The following CDH4 variants were observed in gnomAD, a reference collection of about 807,000 sequenced individuals.
The protein encoded by CDH4 is cadherin 4, also known as cadherin-4.
CDH4 carries 33 observed loss-of-function variants against 86.0 expected under a neutral mutation model. The observed-to-expected ratio is 0.38, with a 90% CI of 0.29 to 0.51. The LOEUF is 0.51. Ranked by LOEUF, CDH4 falls within the 20% of genes least tolerant of loss-of-function variation. The pLI is 0.86. For missense variants in CDH4, 1,114 were observed against 1,307.4 expected, an observed-to-expected ratio of 0.85 and a Z score of 2.28; for synonymous variants, 555 against 549.4, an observed-to-expected ratio of 1.01 and a Z score of -0.14.
At chr20:61,933,341 G>T (rs187812319) in intron 14 of CDH4, among the ~76,000 whole-genome samples, 17 of 152,174 alleles carry the variant, frequency 1.1e-4, no homozygotes, top group Admixed American at 6.5e-5. Context: ...TCCCATCCTC[G>T]CCTTCTTCCC....
At chr20:61,443,065 A>G (rs1432767976) in intron 2 of CDH4, among the ~76,000 whole-genome samples, 1 of 152,162 alleles carries the variant, frequency 6.6e-6, no homozygotes, top group Non-Finnish European at 1.5e-5. Flanking sequence ...CTGATTGAGA[A>G]CCGCTGCCTA....
At chr20:61,782,942 G>A (rs934233428) in intron 4 of CDH4, among the ~76,000 whole-genome samples, 8 of 152,118 alleles carry the variant, frequency 5.3e-5, no homozygotes, top group East Asian at 1.9e-4. Flanking sequence ...AAAATTAGCC[G>A]GCCGTGGTGG....
intron 2 of CDH4, among the ~76,000 whole-genome samples, chr20:61,682,409 G>T (rs2087526178): frequency 6.8e-6 from 1 of 145,992 alleles, no homozygotes; most frequent in Non-Finnish European, 1.5e-5. Flanking sequence ...GATGGACAGA[G>T]GGACAGATGG....
In CDH4 at chr20:61,932,900, T is replaced by A. The variant is rs1036889790; in HGVS notation, c.2240-85T>A. 5.2e-6 allele frequency: 8 copies of A among 1,534,248 alleles called. No individual in the cohort carries two copies. The African/African-American group carries it at 1.1e-4, about 21-fold the overall frequency. The stretch of plus-strand genomic sequence containing the variant: ...TGCTTGTGTGCCACCTGCATGTACA[T>A]GCCCACATAGACACATGGCAAACAC... On this transcript the variant is annotated intron_variant, in intron 13 of 15. Coordinates refer to ENST00000614565, the MANE Select transcript of CDH4 (RefSeq NM_001794.5).
At chr20:61,864,177 T>C (rs1211260069) in intron 6 of CDH4, among the ~76,000 whole-genome samples, 1 of 152,114 alleles carries the variant, frequency 6.6e-6, no homozygotes, top group Non-Finnish European at 1.5e-5. Flanking sequence ...AGCACCCAAG[T>C]TGGACGGTGC....
intron 2 of CDH4, among the ~76,000 whole-genome samples, chr20:61,258,460 A>C (rs1346796935): frequency 6.6e-6 from 1 of 151,674 alleles, no homozygotes; most frequent in African/African-American, 2.4e-5. Flanking sequence ...GTACCCTCGT[A>C]CCACCCTCTG....
chr20:61,785,982 T>C (rs924044877), intron 4 of CDH4, among the ~76,000 whole-genome samples: 10 of 152,308 alleles, frequency 6.6e-5, no homozygotes, highest in Admixed American at 6.5e-4. Context: ...AGGAGCCAGC[T>C]TGAGTCTGGG....
chr20:61,801,265 G>A (rs965408307), intron 4 of CDH4, among the ~76,000 whole-genome samples: 16 of 152,162 alleles, frequency 1.1e-4, no homozygotes, highest in Admixed American at 6.5e-4. Flanking sequence ...TAGACATTGG[G>A]GGAGTGGGGT....
chr20:61,883,872 C>T (rs777518353), intron 7 of CDH4, among the ~76,000 whole-genome samples: 3 of 152,304 alleles, frequency 2.0e-5, no homozygotes, highest in South Asian at 2.1e-4. Context: ...GCAGAGAATG[C>T]GAGAGACAGA....
At chr20:61,614,880 CCACTTTCTCCCAG>C (rs1236232226) in intron 2 of CDH4, among the ~76,000 whole-genome samples, 2 of 151,932 alleles carry the variant, frequency 1.3e-5, no homozygotes, top group East Asian at 1.9e-4. Flanking sequence ...CTCCCAGCAC[CCACTTTCTCCCAG>C]CACTGACTCC....
chr20:61,381,934 GGC>G (rs2084903803), intron 2 of CDH4, among the ~76,000 whole-genome samples: 1 of 110,804 alleles, frequency 9.0e-6, no homozygotes, highest in Non-Finnish European at 1.9e-5. Context: ...AGATTAGCCA[GGC>G]ATGGTGGCAG....
chr20:61,752,564 C>G (rs190592795), intron 3 of CDH4, among the ~76,000 whole-genome samples: 4 of 152,182 alleles, frequency 2.6e-5, no homozygotes, highest in Non-Finnish European at 5.9e-5. Flanking sequence ...ACCAAGAACT[C>G]TGTACGGGAC....
intron 14 of CDH4, among the ~76,000 whole-genome samples, chr20:61,933,393 A>T (rs1280640858): frequency 6.6e-6 from 1 of 152,078 alleles, no homozygotes; most frequent in African/African-American, 2.4e-5. Context: ...TGTGCCCTGG[A>T]GGGGAGGGGG....
At chr20:61,533,662 C>T (rs1010637786) in intron 2 of CDH4, among the ~76,000 whole-genome samples, 1 of 152,216 alleles carries the variant, frequency 6.6e-6, no homozygotes, top group African/African-American at 2.4e-5. Flanking sequence ...TTAGCACTGC[C>T]GCCTCCTGCT....
At chr20:61,631,531 G>T (rs2086888362) in intron 2 of CDH4, among the ~76,000 whole-genome samples, 1 of 152,330 alleles carries the variant, frequency 6.6e-6, no homozygotes, top group South Asian at 2.1e-4. Context: ...TATAATCCCA[G>T]CTACTCAGGA....
intron 4 of CDH4, among the ~76,000 whole-genome samples, chr20:61,787,363 C>G (rs943946510): frequency 6.6e-6 from 1 of 152,198 alleles, no homozygotes; most frequent in Non-Finnish European, 1.5e-5. Context: ...CCCTTCTTCA[C>G]ATGATGGCAG....
intron 2 of CDH4, among the ~76,000 whole-genome samples, chr20:61,669,150 G>A (rs146381651): frequency 6.6e-6 from 1 of 152,344 alleles, no homozygotes; most frequent in East Asian, 1.9e-4. Context: ...GCACACCTCG[G>A]GGCAATAATT....
At chr20:61,456,630 A>T (rs1049638567) in intron 2 of CDH4, among the ~76,000 whole-genome samples, 2 of 152,222 alleles carry the variant, frequency 1.3e-5, no homozygotes, top group Non-Finnish European at 2.9e-5. Context: ...CTTAAAAGCC[A>T]TTATAATGTG....
In CDH4 at chr20:61,517,966, C is replaced by T. The variant is rs2085835216; in HGVS notation, c.170-225597C>T. Among the ~76,000 whole-genome samples, 1 of 152,026 alleles carries T rather than the reference C, an allele frequency of 6.6e-6. No individual in the cohort carries two copies. Among genetic ancestry groups the T allele is most frequent in the Admixed American group, 6.5e-5 (1 of 15,288 alleles). On this transcript the variant is annotated intron_variant, in intron 2 of 15. Transcript: ENST00000614565. This position sits in a 1 kb window ranked among gnomAD's most constrained non-coding sequence, Gnocchi z 6.6. Reference sequence around the variant, plus strand: ...CTGGGGCTGATTGCCCCTGGATGGGCCTCTCGTGTGGGGCTGGGGCAGGAG... The same window carrying T: ...CTGGGGCTGATTGCCCCTGGATGGGTCTCTCGTGTGGGGCTGGGGCAGGAG...
Sources: gnomAD v4.1 joint callset for allele counts (sites outside exome capture counted in the v4.1 genomes callset) on GRCh38, gnomAD v4.1.1 for gene constraint, Gnocchi (gnomAD v3.1) non-coding constraint, MANE v1.5 for transcripts, NCBI Gene and HGNC (gene_info 2026-07-23, HGNC 2026-07-21) for gene names.